PRKN: variants seen among roughly 807,000 people sequenced by gnomAD.
PRKN encodes parkin RBR E3 ubiquitin protein ligase.
In PRKN, 56 loss-of-function variants were observed where a neutral mutation model predicts 59.5. That is an observed-to-expected ratio of 0.94 (90% CI 0.76 to 1.18). The LOEUF is 1.18. Ranked by LOEUF, PRKN falls within the 50% of genes most tolerant of loss-of-function variation. The pLI is 0.00. For synonymous variants in PRKN, 250 were observed against 222.1 expected, an observed-to-expected ratio of 1.13 and a Z score of -1.12; for missense variants, 657 against 596.4, an observed-to-expected ratio of 1.10 and a Z score of -1.06.
intron 1 of PRKN, among the ~76,000 whole-genome samples, chr6:162,518,903 G>A (rs945009880): frequency 6.6e-6 from 1 of 152,080 alleles, no homozygotes; most frequent in Non-Finnish European, 1.5e-5. Context: ...TGTTACTTAC[G>A]TTATTTCATG....
chr6:162,079,713 T>C (rs961780433), intron 4 of PRKN, among the ~76,000 whole-genome samples: 1 of 152,024 alleles, frequency 6.6e-6, no homozygotes, highest in African/African-American at 2.4e-5. Flanking sequence ...ACCCTCTACA[T>C]AGAAATCCAC....
intron 6 of PRKN, among the ~76,000 whole-genome samples, chr6:161,813,828 T>C (rs1202428877): frequency 6.6e-6 from 1 of 152,172 alleles, no homozygotes; most frequent in African/African-American, 2.4e-5. Flanking sequence ...GCCACTTACT[T>C]CTGAAAGACT....
chr6:162,261,127 A>G (rs1037965910), intron 3 of PRKN, among the ~76,000 whole-genome samples: 2 of 152,166 alleles, frequency 1.3e-5, no homozygotes, highest in African/African-American at 4.8e-5. Flanking sequence ...AAGGTTTGTT[A>G]GGCAGATTAT....
chr6:161,469,159 T>A, intron 9 of PRKN, among the ~76,000 whole-genome samples: 1 of 152,182 alleles, frequency 6.6e-6, no homozygotes, highest in East Asian at 1.9e-4. Context: ...TAATCCACCA[T>A]GTCAAGGATG....
intron 6 of PRKN, among the ~76,000 whole-genome samples, chr6:161,802,551 G>A (rs1791131719): frequency 6.6e-6 from 1 of 151,756 alleles, no homozygotes; most frequent in Non-Finnish European, 1.5e-5. Context: ...CTCCTCCTGT[G>A]CGAGCGTGCT....
Position 162,140,400 on chromosome 6 carries a change from T to C in PRKN, c.534+60731A>G, listed in dbSNP as rs145446698. The stretch of plus-strand genomic sequence containing the variant: ...ATAGCATCTATCTTGGCAATATAAA[T>C]TGTGTTTGGCTGCAGAGGTATGCAG... On this transcript the variant is annotated intron_variant, in intron 4 of 11. Transcript: ENST00000366898. Among the ~76,000 whole-genome samples, 1,109 of 152,302 alleles carry C rather than the reference T, an allele frequency of 7.3e-3. 9 individuals carry two copies. Among genetic ancestry groups the C allele is most frequent in the Non-Finnish European group, 0.012 (832 of 68,022 alleles).
At chr6:162,338,397 C>A (rs1313242599) in intron 2 of PRKN, among the ~76,000 whole-genome samples, 1 of 151,940 alleles carries the variant, frequency 6.6e-6, no homozygotes, top group South Asian at 2.1e-4. Flanking sequence ...CGAGTGCCTG[C>A]TACTGCAGGC....
rs1413091325 is a variant in PRKN at position 161,466,426 on chromosome 6, G to C, written c.1084-79549C>G. On this transcript the variant is annotated intron_variant, in intron 9 of 11. Coordinates refer to ENST00000366898, the MANE Select transcript of PRKN (RefSeq NM_004562.3). This position sits in a 1 kb window ranked among gnomAD's most constrained non-coding sequence, Gnocchi z 5.0. ...TTGGCTTGTTCTTTTTGTTACGGTA[G>C]AAATCTAGAAAATAGTTTTATCATT... Among the ~76,000 whole-genome samples the C allele has an allele frequency of 6.6e-6, 1 of 152,108 alleles. No individual in the cohort carries two copies. The highest frequency in any genetic ancestry group is 2.4e-5 in the African/African-American group (1 of 41,418).
At chr6:162,591,486 G>C (rs1781306309) in intron 1 of PRKN, among the ~76,000 whole-genome samples, 1 of 152,118 alleles carries the variant, frequency 6.6e-6, no homozygotes, top group African/African-American at 2.4e-5. Flanking sequence ...ATCACATCAA[G>C]TATTCTTAAA....
intron 1 of PRKN, among the ~76,000 whole-genome samples, chr6:162,688,920 A>G (rs1777665904): frequency 6.6e-6 from 1 of 152,214 alleles, no homozygotes; most frequent in Non-Finnish European, 1.5e-5. Flanking sequence ...CATAAAGCTT[A>G]GCTTGACAGA....
At chr6:161,412,068 CCATT>C (rs1787586702) in intron 9 of PRKN, among the ~76,000 whole-genome samples, 2 of 144,084 alleles carry the variant, frequency 1.4e-5, no homozygotes, top group Non-Finnish European at 3.0e-5. Context: ...ATTCATTCCT[CCATT>C]CACTCATTCC....
At chr6:161,389,837 A>G (rs1786429069) in intron 9 of PRKN, among the ~76,000 whole-genome samples, 1 of 152,180 alleles carries the variant, frequency 6.6e-6, no homozygotes, top group East Asian at 1.9e-4. Context: ...TGGTAGAGGA[A>G]CACCCTGGAG....
chr6:161,596,740 G>A (rs1781928571), intron 7 of PRKN, among the ~76,000 whole-genome samples: 1 of 152,196 alleles, frequency 6.6e-6, no homozygotes, highest in African/African-American at 2.4e-5. Flanking sequence ...TTAAGAGCTA[G>A]TGCCCATTAG....
chr6:161,837,562 G>GT (rs1390605488), intron 6 of PRKN, among the ~76,000 whole-genome samples: 14 of 147,550 alleles, frequency 9.5e-5, no homozygotes, highest in East Asian at 4.0e-4. Flanking sequence ...GGGTGTCTGG[G>GT]TTTTTTTTCC....
Position 161,554,025 on chromosome 6 carries a change from A to G in PRKN, c.934-5022T>C, listed in dbSNP as rs1484026533. On this transcript the variant is annotated intron_variant, in intron 8 of 11. Coordinates refer to ENST00000366898, the MANE Select transcript of PRKN (RefSeq NM_004562.3). The surrounding 1 kb of genome is among the most constrained non-coding windows in gnomAD (Gnocchi z 4.5). ...GGTGCTAGGCATGTTCAGTGCTCCT[A>G]AGTTAGTCATTGTTTCTAAGTCCTC... 6.6e-6 allele frequency among the ~76,000 whole-genome samples: 1 copy of G among 152,214 alleles called. No homozygotes were observed. Among genetic ancestry groups the G allele is most frequent in the Non-Finnish European group, 1.5e-5 (1 of 68,040 alleles).
chr6:162,596,125 C>T (rs1435627669), intron 1 of PRKN, among the ~76,000 whole-genome samples: 1 of 152,050 alleles, frequency 6.6e-6, no homozygotes, highest in East Asian at 1.9e-4. Flanking sequence ...GGTCAAATAA[C>T]AACATATTAA....
chr6:162,139,655 C>T (rs1781694885), intron 4 of PRKN, among the ~76,000 whole-genome samples: 1 of 152,168 alleles, frequency 6.6e-6, no homozygotes, highest in Admixed American at 6.5e-5. Context: ...CTCAGCTTAG[C>T]TGTGGACTCA....
chr6:161,836,654 A>T (rs1792768621), intron 6 of PRKN, among the ~76,000 whole-genome samples: 1 of 152,184 alleles, frequency 6.6e-6, no homozygotes, highest in African/African-American at 2.4e-5. Flanking sequence ...ACGGAGAAAA[A>T]CCTAAGAGTA....
rs186219987 is a variant in PRKN, at chr6:161,466,421, C to G, written c.1084-79544G>C. The stretch of plus-strand genomic sequence containing the variant: ...GCTGTTTGGCTTGTTCTTTTTGTTA[C>G]GGTAGAAATCTAGAAAATAGTTTTA... On this transcript the variant is annotated intron_variant, in intron 9 of 11. Coordinates refer to ENST00000366898, the MANE Select transcript of PRKN (RefSeq NM_004562.3). This position sits in a 1 kb window ranked among gnomAD's most constrained non-coding sequence, Gnocchi z 5.0. 6.6e-6 allele frequency among the ~76,000 whole-genome samples: 1 copy of G among 152,074 alleles called. No individual in the cohort carries two copies. The highest frequency in any genetic ancestry group is 1.5e-5 in the Non-Finnish European group (1 of 68,018).
Sources: gnomAD v4.1 joint callset for allele counts (sites outside exome capture counted in the v4.1 genomes callset) on GRCh38, gnomAD v4.1.1 for gene constraint, Gnocchi (gnomAD v3.1) non-coding constraint, MANE v1.5 for transcripts, NCBI Gene and HGNC (gene_info 2026-07-23, HGNC 2026-07-21) for gene names.